The following PPP2R3A variants were observed in gnomAD, a reference collection of about 807,000 sequenced individuals.
PPP2R3A encodes serine/threonine-protein phosphatase 2A regulatory subunit B'' subunit alpha.
Under a neutral mutation model 106.9 loss-of-function variants are expected in PPP2R3A, and 80 were observed. The observed-to-expected ratio is 0.75, with a 90% CI of 0.62 to 0.90. The LOEUF is 0.90. Among genes scored for constraint, PPP2R3A ranks in the 40% least tolerant of loss-of-function variants. The pLI is 0.00. For synonymous variants in PPP2R3A, 483 were observed against 468.3 expected (o/e 1.03, Z -0.41); for missense variants, 1,386 against 1,350.4 (o/e 1.03, Z -0.41).
chr3:136,107,303 A>G (rs1035583177), intron 13 of PPP2R3A, among the ~76,000 whole-genome samples: 12 of 152,194 alleles, frequency 7.9e-5, no homozygotes, highest in African/African-American at 2.7e-4. Context: ...AACAAAAGAA[A>G]TAGTAAAAAG....
intron 2 of PPP2R3A, among the ~76,000 whole-genome samples, chr3:136,007,526 T>G (rs1174102857): frequency 6.6e-6 from 1 of 152,186 alleles, no homozygotes; most frequent in Non-Finnish European, 1.5e-5. Context: ...GACAGTACCC[T>G]AGGAAGGGTC....
chr3:136,079,145 GAC>G (rs1461558323), intron 7 of PPP2R3A: 2 of 453,236 alleles, frequency 4.4e-6, no homozygotes, highest in Admixed American at 4.7e-5. Flanking sequence ...CTTCATCTGA[GAC>G]AGAGTAATGA....
chr3:136,066,612 T>A (rs966710867), intron 5 of PPP2R3A, among the ~76,000 whole-genome samples: 5 of 151,000 alleles, frequency 3.3e-5, no homozygotes, highest in African/African-American at 1.2e-4. Flanking sequence ...AGCCTCGGAG[T>A]TTTCAATCAT....
chr3:136,105,258 A>C (rs1341601205), intron 12 of PPP2R3A, among the ~76,000 whole-genome samples: 1 of 152,194 alleles, frequency 6.6e-6, no homozygotes, highest in Non-Finnish European at 1.5e-5. Flanking sequence ...GGCAAACCAC[A>C]AGTCACTCCA....
chr3:136,078,353 C>T lies in PPP2R3A; in HGVS notation c.2545-14C>T. On this transcript the variant is annotated splice_polypyrimidine_tract_variant and intron_variant, in intron 6 of 13. Coordinates refer to ENST00000264977, the MANE Select transcript of PPP2R3A (RefSeq NM_002718.5). ...TAATGTTTTTATTTGGTTTTATTTT[C>T]CTTTTGGAACCAGGTTATTCAGAGA... is the stretch of plus-strand genomic sequence containing the variant. 6.4e-7 allele frequency: 1 copy of T among 1,552,114 alleles called. No homozygotes were observed. The highest frequency in any genetic ancestry group is 1.2e-5 in the South Asian group (1 of 86,868).
intron 13 of PPP2R3A, among the ~76,000 whole-genome samples, chr3:136,115,939 A>G (rs1937733879): frequency 6.6e-6 from 1 of 152,116 alleles, no homozygotes; most frequent in Non-Finnish European, 1.5e-5. Context: ...CGAGACTTGT[A>G]AGCGTCAAAT....
chr3:135,978,195 T>C (rs531213785), intron 1 of PPP2R3A, among the ~76,000 whole-genome samples: 5 of 149,032 alleles, frequency 3.4e-5, no homozygotes, highest in African/African-American at 1.3e-4. Context: ...TTTAAAGTTA[T>C]ACATTTATTT....
At position 135,975,539 on chromosome 3, in the gene PPP2R3A, C is replaced by T. The variant is rs1937395007; in HGVS notation, c.-441+9690C>T. Among the ~76,000 whole-genome samples, 3 of 152,070 alleles carry T rather than the reference C, an allele frequency of 2.0e-5. 1 individual carries two copies. The South Asian group carries it at 6.2e-4, about 32-fold the overall frequency. On this transcript the variant is annotated intron_variant, in intron 1 of 13. Coordinates refer to ENST00000264977, the MANE Select transcript of PPP2R3A (RefSeq NM_002718.5). ...TTCCTTTTCCTAGATGAGCTGATTT[C>T]CTAGATAATAAACAAGTAGATAAAT...
intron 5 of PPP2R3A, among the ~76,000 whole-genome samples, chr3:136,064,095 T>G (rs1376422795): frequency 3.3e-5 from 5 of 151,784 alleles, no homozygotes; most frequent in South Asian, 2.1e-4. Flanking sequence ...CCATAAAAAA[T>G]GATGAGTTCA....
At chr3:136,089,962 C>A (rs1937054335) in intron 9 of PPP2R3A, among the ~76,000 whole-genome samples, 1 of 152,132 alleles carries the variant, frequency 6.6e-6, no homozygotes, top group African/African-American at 2.4e-5. Flanking sequence ...GATTTTGTAT[C>A]CCGAAACTTT....
In PPP2R3A at chr3:136,026,577, A is replaced by C. The variant is rs1310999286; in HGVS notation, c.1996-255A>C. Among the ~76,000 whole-genome samples, 4 of 152,154 alleles carry C rather than the reference A, an allele frequency of 2.6e-5. No individual in the cohort carries two copies. The East Asian group carries it at 7.7e-4, about 29-fold the overall frequency. ...TTTGAGTCTTTTGAAATGTCTGCCA[A>C]ATAGTTGATGGAGAAACCTATGTAT... On this transcript the variant is annotated intron_variant, in intron 2 of 13. Coordinates refer to ENST00000264977, the MANE Select transcript of PPP2R3A (RefSeq NM_002718.5).
At chr3:136,050,110 A>G (rs1183681477) in intron 5 of PPP2R3A, among the ~76,000 whole-genome samples, 5 of 152,182 alleles carry the variant, frequency 3.3e-5, no homozygotes, top group South Asian at 2.1e-4. Flanking sequence ...GAGATTAGTA[A>G]TTTATTTTAG....
chr3:136,037,222 A>G (rs1028778320), intron 3 of PPP2R3A, among the ~76,000 whole-genome samples: 3 of 152,232 alleles, frequency 2.0e-5, no homozygotes, highest in African/African-American at 2.4e-5. Flanking sequence ...CTGTTGGTGA[A>G]GTTTAGCTCA....
In PPP2R3A at chr3:135,978,947, A is replaced by G. The variant is rs544618748; in HGVS notation, c.-441+13098A>G. ...TTATCAGTATTAAAGATTATGCCAC[A>G]GAAACTTTGTAATACAATCTTTAAT... On this transcript the variant is annotated intron_variant, in intron 1 of 13. Coordinates refer to ENST00000264977, the MANE Select transcript of PPP2R3A (RefSeq NM_002718.5). Among the ~76,000 whole-genome samples, 122 of 152,040 alleles carry G rather than the reference A, an allele frequency of 8.0e-4. 2 individuals are homozygous for G. The highest frequency in any genetic ancestry group is 2.5e-3 in the African/African-American group (102 of 41,272).
At chr3:136,055,711 C>A in intron 5 of PPP2R3A, 1 of 770,782 alleles carries the variant, frequency 1.3e-6, no homozygotes, top group Non-Finnish European at 2.2e-6. Context: ...TCTGGAGCAA[C>A]TTAGAGAAAT....
chr3:136,088,034 C>A, intron 9 of PPP2R3A, 103 bp downstream of exon 9: 3 of 884,908 alleles, frequency 3.4e-6, no homozygotes, highest in Admixed American at 2.2e-5. Context: ...TGCTATTGGA[C>A]CAAATAATAT....
chr3:136,110,811 G>C (rs945853133), intron 13 of PPP2R3A, among the ~76,000 whole-genome samples: 1 of 152,202 alleles, frequency 6.6e-6, no homozygotes, highest in African/African-American at 2.4e-5. Context: ...CAGATGGCAA[G>C]ATAGGTTTGG....
intron 10 of PPP2R3A, among the ~76,000 whole-genome samples, chr3:136,091,364 C>T (rs1392065372): frequency 7.2e-5 from 11 of 152,148 alleles, no homozygotes; most frequent in Admixed American, 7.2e-4. Context: ...TCTGTAATGC[C>T]AGAACTTTGG....
Position 136,118,586 on chromosome 3 carries a change from GACAA to G in PPP2R3A, c.3329+12268_3329+12271del, listed in dbSNP as rs535909387. 2.7e-3 allele frequency among the ~76,000 whole-genome samples: 414 copies of G among 152,118 alleles called. 1 individual carries two copies. Among genetic ancestry groups the G allele is most frequent in the African/African-American group, 9.7e-3 (402 of 41,472 alleles). ...CAAGCATTCCTATACACCAATAACAGACAAACAGAGAACCAAATCATGAGTGAAC... is the reference window on the plus strand; with the variant it reads ...CAAGCATTCCTATACACCAATAACAGACAGAGAACCAAATCATGAGTGAAC... On this transcript the variant is annotated intron_variant, in intron 13 of 13. Coordinates refer to ENST00000264977, the MANE Select transcript of PPP2R3A (RefSeq NM_002718.5).
Sources: gnomAD v4.1 joint callset for allele counts (sites outside exome capture counted in the v4.1 genomes callset) on GRCh38, gnomAD v4.1.1 for gene constraint, MANE v1.5 for transcripts, NCBI Gene and HGNC (gene_info 2026-07-23, HGNC 2026-07-21) for gene names.